Variants in THADA observed in about 807,000 individuals in gnomAD.
The protein encoded by THADA is THADA armadillo repeat containing, also known as tRNA (32-2'-O)-methyltransferase regulator THADA.
In THADA, 213 loss-of-function variants were observed where a neutral mutation model predicts 219.8. That is an observed-to-expected ratio of 0.97 (90% CI 0.87 to 1.09). THADA has a LOEUF of 1.09. Ranked by LOEUF, THADA falls within the 50% of genes least tolerant of loss-of-function variation. The pLI is 0.00. For synonymous variants in THADA, 1,018 were observed against 828.9 expected (o/e 1.23, Z -3.92); for missense variants, 2,956 against 2,311.3 (o/e 1.28, Z -5.72).
chr2:43,303,636 GA>G lies in THADA; in HGVS notation c.4439-10424del, dbSNP rs542009815. On this transcript the variant is annotated intron_variant, in intron 31 of 37. Transcript: ENST00000405975. ...TAAATAGCTTTAACAAGGGCATTCT[GA>G]AAAAAAAATGGTAATATCATTACCA... Among the ~76,000 whole-genome samples the G allele has an allele frequency of 1.4e-3, 211 of 145,694 alleles. 1 individual carries two copies. The highest frequency in any genetic ancestry group is 5.0e-3 in the African/African-American group (196 of 39,492).
At chr2:43,374,337 T>G (rs145356788) in intron 29 of THADA, among the ~76,000 whole-genome samples, 11 of 152,362 alleles carry the variant, frequency 7.2e-5, no homozygotes, top group African/African-American at 2.6e-4. Flanking sequence ...TTCTGAACTC[T>G]GGATCTGCCA....
intron 29 of THADA, among the ~76,000 whole-genome samples, chr2:43,345,008 G>A (rs1667484376): frequency 6.6e-6 from 1 of 152,248 alleles, no homozygotes; most frequent in South Asian, 2.1e-4. Flanking sequence ...AGAAATGCAA[G>A]TCAAGAGAAA....
At chr2:43,248,148 TATATATATATATATATAGAGAGAG>T (rs1321969023) in intron 36 of THADA, among the ~76,000 whole-genome samples, 159 of 92,152 alleles carry the variant, frequency 1.7e-3, no homozygotes, top group African/African-American at 5.8e-3. Flanking sequence ...TATATATATA[TATATATATATATATATAGAGAGAG>T]AGAGAGAGAG....
chr2:43,466,527 C>T (rs1684258580), intron 26 of THADA, among the ~76,000 whole-genome samples: 1 of 152,122 alleles, frequency 6.6e-6, no homozygotes, highest in South Asian at 2.1e-4. Flanking sequence ...TATGTCTACT[C>T]TACTTGATTC....
At chr2:43,471,215 G>C (rs1401327116) in intron 26 of THADA, among the ~76,000 whole-genome samples, 1 of 152,086 alleles carries the variant, frequency 6.6e-6, no homozygotes, top group Non-Finnish European at 1.5e-5. Flanking sequence ...ATATCATAGA[G>C]TATCTCTGAT....
intron 35 of THADA, among the ~76,000 whole-genome samples, chr2:43,282,214 A>G (rs1673442620): frequency 6.6e-6 from 1 of 152,230 alleles, no homozygotes; most frequent in Non-Finnish European, 1.5e-5. Flanking sequence ...TTACTGGAGA[A>G]GCTTGACTAA....
chr2:43,321,680 A>G (rs1031199221), intron 30 of THADA, among the ~76,000 whole-genome samples: 1 of 152,200 alleles, frequency 6.6e-6, no homozygotes, highest in Admixed American at 6.5e-5. Context: ...AATAAATACA[A>G]TACATACATT....
chr2:43,489,396 A>G (rs1687327517), intron 25 of THADA, among the ~76,000 whole-genome samples: 1 of 152,020 alleles, frequency 6.6e-6, no homozygotes, highest in Non-Finnish European at 1.5e-5. Flanking sequence ...TTTCATTCCC[A>G]GTCTAATTTA....
intron 29 of THADA, among the ~76,000 whole-genome samples, chr2:43,369,307 T>C (rs1558651172): frequency 6.6e-6 from 1 of 152,348 alleles, no homozygotes; most frequent in East Asian, 1.9e-4. Context: ...AGGATCACCC[T>C]TCCTAGAGTG....
intron 34 of THADA, among the ~76,000 whole-genome samples, chr2:43,287,860 T>A (rs769772960): frequency 6.6e-6 from 1 of 152,186 alleles, no homozygotes; most frequent in Non-Finnish European, 1.5e-5. Flanking sequence ...ACACTAGAAG[T>A]AGTATCTGTG....
chr2:43,516,512 T>G (rs1267662860), intron 22 of THADA, among the ~76,000 whole-genome samples: 1 of 152,188 alleles, frequency 6.6e-6, no homozygotes, highest in Non-Finnish European at 1.5e-5. Flanking sequence ...TCCAGGTATT[T>G]ACATCGTGGT....
chr2:43,528,955 T>C (rs1014435154), intron 21 of THADA, among the ~76,000 whole-genome samples: 5 of 152,106 alleles, frequency 3.3e-5, no homozygotes, highest in African/African-American at 1.2e-4. Context: ...TCCATACCCA[T>C]TAAAAAATAA....
intron 25 of THADA, chr2:43,486,375 T>C (rs1013550150): frequency 6.6e-6 from 1 of 152,188 alleles, no homozygotes. Context: ...TTGACTGTTT[T>C]GGCACTATAG....
rs1386931551 is a variant in THADA, at chr2:43,514,934, C to T, written c.3375-6154G>A. Among the ~76,000 whole-genome samples the T allele has an allele frequency of 4.5e-4, 21 of 47,104 alleles. 1 individual carries two copies. The highest frequency in any genetic ancestry group is 7.2e-4 in the South Asian group (1 of 1,384). 30.9% of individuals were successfully genotyped at this position (47,104 alleles called of 152,430 possible). On this transcript the variant is annotated intron_variant, in intron 22 of 37. Transcript: ENST00000405975. ...TATTTTATGTATAATATATATTTTA[C>T]GTATATTTTATATATAATATATAAT...
chr2:43,285,109 A>C (rs549206577), intron 35 of THADA, among the ~76,000 whole-genome samples: 26 of 152,254 alleles, frequency 1.7e-4, no homozygotes, highest in Admixed American at 1.2e-3. Flanking sequence ...CTCAGATAAG[A>C]CTTTGGACTG....
In THADA at chr2:43,388,853, A is replaced by G. The variant is rs563497962; in HGVS notation, c.4227+9118T>C. Among the ~76,000 whole-genome samples the G allele has an allele frequency of 9.3e-4, 141 of 152,312 alleles. 1 individual carries two copies. The highest frequency in any genetic ancestry group is 3.2e-3 in the African/African-American group (133 of 41,560). The stretch of plus-strand genomic sequence containing the variant: ...CAGTATTATTTCAATGTACAACATT[A>G]ATTTTTTTAAACACATTTTTCTTTA... On this transcript the variant is annotated intron_variant, in intron 29 of 37. Coordinates refer to ENST00000405975, the MANE Select transcript of THADA (RefSeq NM_022065.5).
At chr2:43,370,294 C>T (rs1273454985) in intron 29 of THADA, 1 of 152,252 alleles carries the variant, frequency 6.6e-6, no homozygotes, top group African/African-American at 2.4e-5. Context: ...GAGTCAACTT[C>T]CTTTCATCCC....
intron 31 of THADA, among the ~76,000 whole-genome samples, chr2:43,319,666 T>C (rs932795874): frequency 2.0e-5 from 3 of 152,208 alleles, no homozygotes; most frequent in Non-Finnish European, 4.4e-5. Flanking sequence ...AGGCCTGGTC[T>C]GCTTGCACTC....
chr2:43,314,528 ATATT>A (rs1314664742), intron 31 of THADA, among the ~76,000 whole-genome samples: 1 of 152,206 alleles, frequency 6.6e-6, no homozygotes, highest in Non-Finnish European at 1.5e-5. Context: ...AAAGGGGTAA[ATATT>A]TAGTCAAGTC....
Sources: allele counts gnomAD v4.1 joint callset (sites outside exome capture counted in the v4.1 genomes callset), GRCh38; gene constraint gnomAD v4.1.1; transcripts MANE v1.5; gene names NCBI Gene and HGNC (gene_info 2026-07-23, HGNC 2026-07-21).